EYS: variants seen among roughly 807,000 people sequenced by gnomAD.
The protein encoded by EYS is protein eyes shut homolog.
In EYS, 250 loss-of-function variants were observed where a neutral mutation model predicts 282.1. The ratio of observed to expected loss-of-function variants is 0.89; its 90% CI spans 0.80 to 0.98. EYS has a LOEUF of 0.98. Among genes scored for constraint, EYS ranks in the 50% least tolerant of loss-of-function variants. The pLI is 0.00. For missense variants in EYS, 4,016 were observed against 3,709.0 expected, an observed-to-expected ratio of 1.08 and a Z score of -2.15; for synonymous variants, 1,355 against 1,282.9, an observed-to-expected ratio of 1.06 and a Z score of -1.20.
chr6:65,605,672 G>T (rs1391932663), intron 2 of EYS, among the ~76,000 whole-genome samples: 1 of 151,594 alleles, frequency 6.6e-6, no homozygotes, highest in Non-Finnish European at 1.5e-5. Flanking sequence ...AATACATTTG[G>T]TATAAATAAT....
chr6:64,062,851 CT>C (rs746771664), intron 33 of EYS, among the ~76,000 whole-genome samples: 1 of 152,078 alleles, frequency 6.6e-6, no homozygotes, highest in Admixed American at 6.6e-5. Context: ...CACTTTACCT[CT>C]TTTTATACTT....
At chr6:64,915,912 T>TTTTTC (rs546977291) in intron 15 of EYS, among the ~76,000 whole-genome samples, 11 of 152,268 alleles carry the variant, frequency 7.2e-5, no homozygotes, top group Admixed American at 3.9e-4. Context: ...CAAGTTCCTG[T>TTTTTC]TTTTCTTTTC....
chr6:64,020,170 T>A (rs1416727799), intron 33 of EYS, among the ~76,000 whole-genome samples: 1 of 152,010 alleles, frequency 6.6e-6, no homozygotes, highest in Non-Finnish European at 1.5e-5. Flanking sequence ...GTGACTATAG[T>A]TAACAACAAT....
intron 13 of EYS, among the ~76,000 whole-genome samples, chr6:65,006,249 T>A (rs1244610564): frequency 1.3e-5 from 2 of 150,338 alleles, no homozygotes; most frequent in Non-Finnish European, 3.0e-5. Context: ...AAGAAAAAGA[T>A]ATTAATAGTT....
At chr6:64,358,822 T>C (rs553866670) in intron 29 of EYS, among the ~76,000 whole-genome samples, 1 of 151,832 alleles carries the variant, frequency 6.6e-6, no homozygotes, top group East Asian at 1.9e-4. Flanking sequence ...GACAGCAGCA[T>C]TTGTCAAAGC....
chr6:65,489,963 C>T (rs1283041053), intron 5 of EYS: 1 of 152,090 alleles, frequency 6.6e-6, no homozygotes, highest in African/African-American at 2.4e-5. Context: ...GAACATTACA[C>T]ATTGGGGCCT....
intron 8 of EYS, among the ~76,000 whole-genome samples, chr6:65,373,501 G>A (rs998829): frequency 0.2 from 30,293 of 151,652 alleles, 3,198 homozygotes; most frequent in South Asian, 0.35. Context: ...CAATTTCTGA[G>A]GGAGCAGTCC....
At chr6:65,311,348 G>A (rs913059453) in intron 11 of EYS, among the ~76,000 whole-genome samples, 1 of 152,094 alleles carries the variant, frequency 6.6e-6, no homozygotes, top group Non-Finnish European at 1.5e-5. Flanking sequence ...TGAACAAATA[G>A]ACCCACTACT....
intron 12 of EYS, among the ~76,000 whole-genome samples, chr6:65,138,778 T>C (rs551173474): frequency 6.6e-6 from 1 of 152,178 alleles, no homozygotes; most frequent in East Asian, 1.9e-4. Context: ...ATAACTGACC[T>C]GCTCTAGCCA....
At chr6:63,874,241 T>C (rs957575351) in intron 35 of EYS, among the ~76,000 whole-genome samples, 1 of 152,250 alleles carries the variant, frequency 6.6e-6, no homozygotes, top group African/African-American at 2.4e-5. Context: ...GCACCATTTG[T>C]TAAATAGGGA....
At chr6:64,664,730 T>C (rs1224785683) in intron 22 of EYS, among the ~76,000 whole-genome samples, 1 of 152,164 alleles carries the variant, frequency 6.6e-6, no homozygotes, top group East Asian at 1.9e-4. Context: ...CTTTTCATCA[T>C]GAGAACACAG....
At chr6:65,310,003 T>C (rs1243612718) in intron 11 of EYS, among the ~76,000 whole-genome samples, 1 of 152,182 alleles carries the variant, frequency 6.6e-6, no homozygotes, top group Non-Finnish European at 1.5e-5. Flanking sequence ...TGGATCACAA[T>C]ACTATCTTGC....
intron 13 of EYS, among the ~76,000 whole-genome samples, chr6:65,045,522 G>C (rs62407176): frequency 6.6e-6 from 1 of 151,842 alleles, no homozygotes; most frequent in East Asian, 2.0e-4. Flanking sequence ...TAAGAAATTC[G>C]AGTCCTTATA....
chr6:65,492,443 T>G (rs1304224071), intron 4 of EYS, among the ~76,000 whole-genome samples: 1 of 152,154 alleles, frequency 6.6e-6, no homozygotes, highest in East Asian at 1.9e-4. Flanking sequence ...AACCATTCTA[T>G]GCAGTTATAA....
chr6:65,472,250 C>T (rs1189486890), intron 5 of EYS, among the ~76,000 whole-genome samples: 1 of 152,022 alleles, frequency 6.6e-6, no homozygotes, highest in Non-Finnish European at 1.5e-5. Flanking sequence ...TTTTGTAAGT[C>T]TGAAAGCCAT....
intron 13 of EYS, 80 bp from the exon 14 acceptor site, chr6:64,997,783 T>C (rs906064729): frequency 1.4e-5 from 19 of 1,325,414 alleles, no homozygotes; most frequent in Non-Finnish European, 2.0e-5. Context: ...TAAAATTCTA[T>C]AATCATTTAT....
At chr6:63,994,181 C>A (rs916696996) in intron 34 of EYS, among the ~76,000 whole-genome samples, 5 of 151,940 alleles carry the variant, frequency 3.3e-5, no homozygotes, top group Non-Finnish European at 4.4e-5. Flanking sequence ...GGTACAGTCA[C>A]TGAAGATGTC....
At chr6:64,593,801 G>A (rs1230522333) in intron 24 of EYS, among the ~76,000 whole-genome samples, 2 of 152,056 alleles carry the variant, frequency 1.3e-5, no homozygotes, top group Non-Finnish European at 2.9e-5. Context: ...TGATCTTTAT[G>A]TGTTTTAGTT....
intron 29 of EYS, among the ~76,000 whole-genome samples, chr6:64,307,382 TC>T: frequency 6.6e-6 from 1 of 152,184 alleles, no homozygotes; most frequent in African/African-American, 2.4e-5. Flanking sequence ...AAGAAGGAAA[TC>T]CTGCCATTTG....
Sources: gnomAD v4.1 joint callset for allele counts (sites outside exome capture counted in the v4.1 genomes callset) on GRCh38, gnomAD v4.1.1 for gene constraint, MANE v1.5 for transcripts, NCBI Gene and HGNC (gene_info 2026-07-23, HGNC 2026-07-21) for gene names.